PBX3: variants seen among roughly 807,000 people sequenced by gnomAD.
PBX3 encodes pre-B-cell leukemia transcription factor 3.
A neutral mutation model predicts 48.5 loss-of-function variants in PBX3; 14 were observed. That is an observed-to-expected ratio of 0.29 (90% CI 0.19 to 0.45). The LOEUF is 0.45. PBX3 is among the 20% of genes least tolerant of loss of function. PBX3 has a pLI of 1.00. For synonymous variants in PBX3, 210 were observed against 200.3 expected, an observed-to-expected ratio of 1.05 and a Z score of -0.41; for missense variants, 386 against 546.7, an observed-to-expected ratio of 0.71 and a Z score of 2.93.
intron 5 of PBX3, among the ~76,000 whole-genome samples, chr9:125,956,583 G>A (rs748559146): frequency 1.2e-4 from 18 of 152,188 alleles, no homozygotes; most frequent in Non-Finnish European, 1.9e-4. Context: ...ACTGCATAAT[G>A]TGCACTACTC....
chr9:125,747,476 T>G lies in PBX3; in HGVS notation c.23T>G (p.Leu8Arg). The change falls in exon 1 of 9, where the codon CTG (leucine) becomes CGG (arginine). Residue 8 changes from leucine to arginine, a missense_variant. Leu to Arg is a moderately radical substitution (Grantham distance 102). This residue lies in a region of PBX3 where 116 missense variants were observed against 98.2 expected (regional missense o/e 1.18). Transcript: ENST00000373489. ...GGGATGGACGATCAATCCAGGATGCTGCAGACTCTGGCCGGGGTGAACCTG... is the reference window on the plus strand; with the variant it reads ...GGGATGGACGATCAATCCAGGATGCGGCAGACTCTGGCCGGGGTGAACCTG... MDDQSRM[L>R]QTLAGVNLAG... 6.3e-7 allele frequency: 1 copy of G among 1,575,678 alleles called. No homozygotes were observed. Among genetic ancestry groups the G allele is most frequent in the Non-Finnish European group, 8.6e-7 (1 of 1,162,962 alleles).
At chr9:125,810,057 A>G (rs1026879260) in intron 2 of PBX3, among the ~76,000 whole-genome samples, 1 of 152,234 alleles carries the variant, frequency 6.6e-6, no homozygotes, top group South Asian at 2.1e-4. Flanking sequence ...AAGAAACACT[A>G]GATGAATGCA....
In PBX3 at chr9:125,767,937, G is replaced by A. The variant is rs2131992777; in HGVS notation, c.274+19314G>A. On this transcript the variant is annotated intron_variant, in intron 2 of 8. Coordinates refer to ENST00000373489, the MANE Select transcript of PBX3 (RefSeq NM_006195.6). The stretch of plus-strand genomic sequence containing the variant: ...AGCAGGCTAGCAATGAGACTCAGGT[G>A]CTAGTAGGACTAGAGAAAAAGGCTG... Among the ~76,000 whole-genome samples, 3 of 152,200 alleles carry A rather than the reference G, an allele frequency of 2.0e-5. No individual in the cohort carries two copies. The South Asian group carries it at 6.2e-4, about 32-fold the overall frequency.
chr9:125,964,374 C>A (rs1842489212), intron 8 of PBX3, among the ~76,000 whole-genome samples: 1 of 152,070 alleles, frequency 6.6e-6, no homozygotes, highest in Admixed American at 6.5e-5. Flanking sequence ...TTTTTCTTTT[C>A]CTAAGTAGAT....
intron 2 of PBX3, among the ~76,000 whole-genome samples, chr9:125,785,085 T>C (rs936327112): frequency 1.3e-5 from 2 of 152,206 alleles, no homozygotes; most frequent in Admixed American, 6.5e-5. Context: ...CTTTTACTTA[T>C]AATGTTTTGG....
intron 2 of PBX3, among the ~76,000 whole-genome samples, chr9:125,875,772 A>AT (rs1192523442): frequency 6.6e-6 from 1 of 152,130 alleles, no homozygotes; most frequent in African/African-American, 2.4e-5. Context: ...CTAGTCTGGA[A>AT]TTTTTTGCTA....
At chr9:125,780,296 A>C (rs1248284440) in intron 2 of PBX3, among the ~76,000 whole-genome samples, 1 of 116,620 alleles carries the variant, frequency 8.6e-6, no homozygotes, top group African/African-American at 3.4e-5. Flanking sequence ...GGGGCTCCTC[A>C]CTTCCCAGTA....
intron 2 of PBX3, among the ~76,000 whole-genome samples, chr9:125,830,090 C>A (rs1243931493): frequency 6.6e-6 from 1 of 152,148 alleles, no homozygotes; most frequent in Non-Finnish European, 1.5e-5. Context: ...AAAAATTTAT[C>A]AGTTGTCTCA....
At position 125,858,641 on chromosome 9, in the gene PBX3, T is replaced by TC. The variant is rs71376118; in HGVS notation, c.275-57044dup. ...TGGTCCATTTTTTTTTTTTTTTTTTTCAAGATGAAGTTTCACTCTTGTTGC... is the reference window on the plus strand; with the variant it reads ...TGGTCCATTTTTTTTTTTTTTTTTTTCCAAGATGAAGTTTCACTCTTGTTGC... On this transcript the variant is annotated intron_variant, in intron 2 of 8. Coordinates refer to ENST00000373489, the MANE Select transcript of PBX3 (RefSeq NM_006195.6). 1.2e-4 allele frequency among the ~76,000 whole-genome samples: 18 copies of TC among 151,192 alleles called. No homozygotes were observed. In the South Asian group the frequency reaches 3.6e-3, roughly 30 times the overall value.
intron 2 of PBX3, among the ~76,000 whole-genome samples, chr9:125,775,286 G>A (rs1229785983): frequency 6.6e-6 from 1 of 152,162 alleles, no homozygotes; most frequent in Non-Finnish European, 1.5e-5. Flanking sequence ...AATGAATAAC[G>A]ATAATCTTTT....
intron 2 of PBX3, among the ~76,000 whole-genome samples, chr9:125,900,159 AT>A (rs1840907805): frequency 1.3e-5 from 2 of 151,062 alleles, no homozygotes; most frequent in African/African-American, 2.4e-5. Context: ...ATTGTAGATA[AT>A]TTTTTAATAA....
At chr9:125,895,158 G>GCA (rs1840740582) in intron 2 of PBX3, among the ~76,000 whole-genome samples, 1 of 151,950 alleles carries the variant, frequency 6.6e-6, no homozygotes, top group Non-Finnish European at 1.5e-5. Flanking sequence ...CCTAGATTTG[G>GCA]CACAGCATTG....
chr9:125,778,798 T>C (rs1400621950), intron 2 of PBX3, among the ~76,000 whole-genome samples: 51 of 139,800 alleles, frequency 3.6e-4, no homozygotes, highest in Non-Finnish European at 5.8e-4. Context: ...AAATTAATTA[T>C]TACTTTTCTT....
chr9:125,809,404 A>T (rs2132120807), intron 2 of PBX3, among the ~76,000 whole-genome samples: 1 of 150,886 alleles, frequency 6.6e-6, no homozygotes. Flanking sequence ...AGTTATTGTA[A>T]CATTATTTTC....
At chr9:125,793,366 A>AAATATATATATATAT (rs59271982) in intron 2 of PBX3, among the ~76,000 whole-genome samples, 28 of 101,938 alleles carry the variant, frequency 2.7e-4, no homozygotes, top group Middle Eastern at 5.0e-3. Flanking sequence ...GGAAAAAAAA[A>AAATATATATATATAT]ATATATATAT....
intron 5 of PBX3, among the ~76,000 whole-genome samples, chr9:125,936,540 T>C (rs1841840251): frequency 6.6e-6 from 1 of 152,186 alleles, no homozygotes; most frequent in Non-Finnish European, 1.5e-5. Flanking sequence ...ATACTTGTAC[T>C]GTAGATAAAG....
At chr9:125,813,836 T>C (rs1838371526) in intron 2 of PBX3, among the ~76,000 whole-genome samples, 1 of 151,128 alleles carries the variant, frequency 6.6e-6, no homozygotes. Context: ...CTTCTGAATC[T>C]ACTCAATGAA....
intron 2 of PBX3, among the ~76,000 whole-genome samples, chr9:125,905,520 T>A (rs1841049358): frequency 6.6e-6 from 1 of 152,002 alleles, no homozygotes; most frequent in East Asian, 1.9e-4. Context: ...AAGTCAGATG[T>A]TTGTGAAAAA....
intron 2 of PBX3, among the ~76,000 whole-genome samples, chr9:125,834,446 G>A (rs1455182668): frequency 6.6e-6 from 1 of 151,824 alleles, no homozygotes; most frequent in Non-Finnish European, 1.5e-5. Flanking sequence ...TGTCCAGGCT[G>A]GAGTGCAATG....
Sources: allele counts gnomAD v4.1 joint callset (sites outside exome capture counted in the v4.1 genomes callset), GRCh38; gene constraint gnomAD v4.1.1; regional missense constraint gnomAD v4.1.1; transcripts MANE v1.5; gene names NCBI Gene and HGNC (gene_info 2026-07-23, HGNC 2026-07-21).